Variants in COL6A3 observed in about 807,000 individuals in gnomAD.
The protein encoded by COL6A3 is collagen alpha-3(VI) chain.
A neutral mutation model predicts 274.1 loss-of-function variants in COL6A3; 137 were observed. That is an observed-to-expected ratio of 0.50 (90% CI 0.44 to 0.58). The LOEUF (loss-of-function observed/expected upper bound fraction) is 0.58, where lower values mean the gene tolerates loss of function less well. Ranked by LOEUF, COL6A3 falls within the 20% of genes least tolerant of loss-of-function variation. COL6A3 has a pLI of 0.00. For synonymous variants in COL6A3, 1,650 were observed against 1,650.6 expected, an observed-to-expected ratio of 1.00 and a Z score of 0.01; for missense variants, 3,950 against 4,124.9, an observed-to-expected ratio of 0.96 and a Z score of 1.16.
Position 237,387,777 on chromosome 2 carries a change from T to C in COL6A3, c.1117A>G (p.Ser373Gly), listed in dbSNP as rs755587896. The change falls in exon 4 of 44, where the codon AGC becomes GGC. Residue 373 changes from serine (S) to glycine (G), a missense_variant. Around this residue, in one of 5 missense-constraint regions of COL6A3, gnomAD observed 1,934 missense variants for 1,984.3 expected, o/e 0.97. Coordinates refer to ENST00000295550, the MANE Select transcript of COL6A3 (RefSeq NM_004369.4). ...RYGVVALKQASVFSFGLGAQA... is the reference protein window; with the variant it reads ...RYGVVALKQAGVFSFGLGAQA... ...GCTCCAAGGCCGAATGAGAACACGC[T>C]AGCCTGCTTCAGTGCTACCACCCCG... 15 of 1,614,088 alleles carry C rather than the reference T, an allele frequency of 9.3e-6. No individual in the cohort carries two copies. Among genetic ancestry groups the C allele is most frequent in the Non-Finnish European group, 1.2e-5 (14 of 1,179,992 alleles).
At chr2:237,353,576 G>A (rs1157010116) in intron 24 of COL6A3, among the ~76,000 whole-genome samples, 173 bp from the exon 25 acceptor site, 3 of 152,306 alleles carry the variant, frequency 2.0e-5, no homozygotes, top group South Asian at 4.1e-4. Flanking sequence ...ACTGAGCACA[G>A]GAGCCAGCTG....
At chr2:237,410,248 C>T (rs768458310) in intron 1 of COL6A3, among the ~76,000 whole-genome samples, 2 of 151,836 alleles carry the variant, frequency 1.3e-5, no homozygotes, top group Non-Finnish European at 2.9e-5. Flanking sequence ...GAAAACCAAA[C>T]TGCCTTTTCA....
intron 1 of COL6A3, among the ~76,000 whole-genome samples, chr2:237,401,626 C>A (rs1389865436): frequency 1.3e-5 from 2 of 151,992 alleles, no homozygotes; most frequent in African/African-American, 4.8e-5. Flanking sequence ...TTGTTAAATT[C>A]ATTAACTGCT....
chr2:237,332,118 T>TATATATATATATATATATATATA (rs1700292101), intron 42 of COL6A3, among the ~76,000 whole-genome samples: 1 of 61,440 alleles, frequency 1.6e-5, no homozygotes, highest in Non-Finnish European at 3.3e-5. Context: ...TATATATATA[T>TATATATATATATATATATATATA]GAAAAGAAAA....
intron 42 of COL6A3, among the ~76,000 whole-genome samples, chr2:237,332,046 C>G (rs1211066731): frequency 9.3e-6 from 1 of 107,482 alleles, no homozygotes; most frequent in Non-Finnish European, 1.9e-5. Flanking sequence ...CAACTCTCTC[C>G]CCCCATCTCT....
At chr2:237,388,593 G>A (rs1178264372) in intron 3 of COL6A3, among the ~76,000 whole-genome samples, 1 of 152,158 alleles carries the variant, frequency 6.6e-6, no homozygotes, top group Non-Finnish European at 1.5e-5. Context: ...CAAAACTTTA[G>A]AGATGATTTC....
intron 4 of COL6A3, among the ~76,000 whole-genome samples, chr2:237,381,913 A>C (rs2078016221): frequency 6.6e-6 from 1 of 152,224 alleles, no homozygotes; most frequent in East Asian, 1.9e-4. Flanking sequence ...CACAGTCTTC[A>C]TTTCAAAATG....
At chr2:237,339,243 C>A in intron 38 of COL6A3, 126 bp from the exon 39 acceptor site, 1 of 720,126 alleles carries the variant, frequency 1.4e-6, no homozygotes, top group Non-Finnish European at 2.4e-6. Flanking sequence ...GTTGAATTAA[C>A]TATATCAGAC....
rs1047606406 is a variant in COL6A3 at position 237,413,068 on chromosome 2, C to G, written c.-31+885G>C. Among the ~76,000 whole-genome samples, 10 of 152,190 alleles carry G rather than the reference C, an allele frequency of 6.6e-5. No homozygotes were observed. Among genetic ancestry groups the G allele is most frequent in the African/African-American group, 2.4e-4 (10 of 41,450 alleles). On this transcript the variant is annotated intron_variant, in intron 1 of 43. Coordinates refer to ENST00000295550, the MANE Select transcript of COL6A3 (RefSeq NM_004369.4). The surrounding 1 kb of genome is among the most constrained non-coding windows in gnomAD (Gnocchi z 4.0). ...GGCCCCTTGAAACAGGTTCCCCAAA[C>G]AGGCTGGCCACTGTCAGCGAACGTG...
intron 38 of COL6A3, among the ~76,000 whole-genome samples, chr2:237,339,516 G>T (rs1354411116): frequency 6.6e-6 from 1 of 152,272 alleles, no homozygotes; most frequent in East Asian, 1.9e-4. Context: ...TTAATCTTTG[G>T]AAGACAGGAA....
In COL6A3 at chr2:237,394,896, C is replaced by G. The variant is rs772302540; in HGVS notation, c.400G>C (p.Ala134Pro). The G allele has an allele frequency of 6.2e-7, 1 of 1,611,766 alleles. No homozygotes were observed. The highest frequency in any genetic ancestry group is 8.5e-7 in the Non-Finnish European group (1 of 1,178,004). Residue 134 changes from alanine (A) to proline (P), a missense_variant, in exon 3 of 44, where the codon GCT becomes CCT. By Grantham distance (27) the Ala-to-Pro change is conservative. This residue lies in a region of COL6A3 where 1,934 missense variants were observed against 1,984.3 expected (regional missense o/e 0.97). Transcript: ENST00000295550. ...YIMQSHLTKA[A>P]GSRAGDGVPQ... ...ACTCCGTCACCGGCCCGGCTTCCAG[C>G]AGCCTTGGTGAGGTGGCTTTGCATT...
intron 1 of COL6A3, among the ~76,000 whole-genome samples, chr2:237,409,423 T>C (rs1232799010): frequency 6.6e-6 from 1 of 152,210 alleles, no homozygotes; most frequent in Non-Finnish European, 1.5e-5. Context: ...ATTAGGGATA[T>C]ATCCCCTCCC....
intron 42 of COL6A3, among the ~76,000 whole-genome samples, chr2:237,331,255 C>T (rs749110092): frequency 2.1e-4 from 32 of 152,156 alleles, no homozygotes; most frequent in Non-Finnish European, 4.1e-4. Context: ...CAGTTATTAT[C>T]TTTTTTTAGT....
At chr2:237,347,724 T>C in intron 31 of COL6A3, 83 bp downstream of exon 31, 1 of 1,381,484 alleles carries the variant, frequency 7.2e-7, no homozygotes. Flanking sequence ...AAGTGAAGGA[T>C]AATTGTCAAA....
chr2:237,412,697 T>G (rs545551229), intron 1 of COL6A3, among the ~76,000 whole-genome samples: 1 of 152,320 alleles, frequency 6.6e-6, no homozygotes, highest in East Asian at 1.9e-4. Context: ...ATTTCGGTTG[T>G]TTTTTACAGC....
At chr2:237,388,332 TTC>T in intron 3 of COL6A3, 148 bp from the exon 4 acceptor site, 4 of 1,047,222 alleles carry the variant, frequency 3.8e-6, no homozygotes, top group South Asian at 1.5e-5. Context: ...GAATGTGAAA[TTC>T]TCTTTCAGTT....
At position 237,380,923 on chromosome 2, in the gene COL6A3, G is replaced by A. The variant is rs1269588624; in HGVS notation, c.1889C>T (p.Thr630Ile). The A allele has an allele frequency of 1.9e-6, 3 of 1,613,976 alleles. No homozygotes were observed. Among genetic ancestry groups the A allele is most frequent in the African/African-American group, 1.3e-5 (1 of 75,052 alleles). ...AGCCATCACCACCATACCTTCAGGG[G>A]TTCCAGAGAGGGTCCTGAGAGGTGC... ...LLAPLRTLSGTPEVHSNKRDI... is the reference protein window; with the variant it reads ...LLAPLRTLSGIPEVHSNKRDI... The change falls in exon 5 of 44, where the codon ACC (threonine) becomes ATC (isoleucine). Residue 630 changes from threonine (T) to isoleucine (I), a missense_variant. Around this residue, in one of 5 missense-constraint regions of COL6A3, gnomAD observed 1,934 missense variants for 1,984.3 expected, o/e 0.97. Coordinates refer to ENST00000295550, the MANE Select transcript of COL6A3 (RefSeq NM_004369.4).
At position 237,413,189 on chromosome 2, in the gene COL6A3, C is replaced by A. The variant is rs1405160394; in HGVS notation, c.-31+764G>T. On this transcript the variant is annotated intron_variant, in intron 1 of 43. Transcript: ENST00000295550. This position sits in a 1 kb window ranked among gnomAD's most constrained non-coding sequence, Gnocchi z 4.0. ...TCCCAGCTCGGCACTGGCCTCACCT[C>A]TGTGCAGCATGGGCTGGCCCTGCAG... 1.3e-5 allele frequency among the ~76,000 whole-genome samples: 2 copies of A among 152,216 alleles called. No homozygotes were observed. Among genetic ancestry groups the A allele is most frequent in the Non-Finnish European group, 2.9e-5 (2 of 68,042 alleles).
chr2:237,382,029 C>T (rs1051766865), intron 4 of COL6A3, among the ~76,000 whole-genome samples: 5 of 152,102 alleles, frequency 3.3e-5, no homozygotes, highest in African/African-American at 4.8e-5. Flanking sequence ...TAACATAAAA[C>T]GTATAAAAAG....
Sources: allele counts gnomAD v4.1 joint callset (sites outside exome capture counted in the v4.1 genomes callset), GRCh38; gene constraint gnomAD v4.1.1; regional missense constraint gnomAD v4.1.1; non-coding constraint Gnocchi (gnomAD v3.1); transcripts MANE v1.5; gene names NCBI Gene and HGNC (gene_info 2026-07-23, HGNC 2026-07-21).